The following CADM2 variants were observed in gnomAD, a reference collection of about 807,000 sequenced individuals.
CADM2 encodes the protein cell adhesion molecule 2, also known as immunoglobulin superfamily member 4D.
In CADM2, 12 loss-of-function variants were observed where a neutral mutation model predicts 49.8. The observed-to-expected ratio is 0.24, with a 90% CI of 0.15 to 0.39. The LOEUF (loss-of-function observed/expected upper bound fraction) is 0.39. CADM2 is among the 10% of genes least tolerant of loss of function. CADM2 has a pLI of 1.00. For synonymous variants in CADM2, 214 were observed against 175.4 expected (o/e 1.22, Z -1.74); for missense variants, 378 against 492.3 (o/e 0.77, Z 2.20).
chr3:85,317,142 G>A (rs930263821), intron 1 of CADM2, among the ~76,000 whole-genome samples: 3 of 135,314 alleles, frequency 2.2e-5, no homozygotes, highest in Middle Eastern at 3.4e-3. Context: ...TTGGGGGGAT[G>A]GGGGGTGGTG....
chr3:85,101,030 C>A (rs765433435), intron 1 of CADM2, among the ~76,000 whole-genome samples: 18 of 152,124 alleles, frequency 1.2e-4, no homozygotes, highest in Middle Eastern at 3.4e-3. Context: ...CCAAGGCAGG[C>A]GGATCACAAG....
intron 3 of CADM2, among the ~76,000 whole-genome samples, chr3:85,835,724 A>ATATATATATATCTTGC (rs1328765174): frequency 2.7e-5 from 4 of 146,432 alleles, no homozygotes. Flanking sequence ...GTATGTGTAT[A>ATATATATATATCTTGC]TATATATATA....
At chr3:85,843,951 A>G (rs1031845519) in intron 3 of CADM2, among the ~76,000 whole-genome samples, 1 of 152,004 alleles carries the variant, frequency 6.6e-6, no homozygotes, top group African/African-American at 2.4e-5. Flanking sequence ...TTTAGATATT[A>G]CTAGCACCCA....
chr3:85,589,942 G>T (rs2063056392), intron 1 of CADM2, among the ~76,000 whole-genome samples: 1 of 151,948 alleles, frequency 6.6e-6, no homozygotes, highest in South Asian at 2.1e-4. Flanking sequence ...ACCAGGTAAA[G>T]AAATAGTGGT....
At chr3:85,025,799 C>T (rs772080001) in intron 1 of CADM2, among the ~76,000 whole-genome samples, 6 of 151,648 alleles carry the variant, frequency 4.0e-5, no homozygotes, top group Non-Finnish European at 7.4e-5. Context: ...TGAATGTTTT[C>T]GCTATATCAT....
At chr3:85,902,528 A>C (rs1292683046) in intron 5 of CADM2, among the ~76,000 whole-genome samples, 1 of 151,744 alleles carries the variant, frequency 6.6e-6, no homozygotes, top group African/African-American at 2.4e-5. Flanking sequence ...TATAATTGAT[A>C]TTGGTTAATT....
chr3:85,870,962 A>C (rs1234829957), intron 3 of CADM2, among the ~76,000 whole-genome samples: 1 of 152,238 alleles, frequency 6.6e-6, no homozygotes, highest in East Asian at 1.9e-4. Context: ...ATAGGCAATA[A>C]TATTCCAGAC....
chr3:85,658,574 G>GTATATATATATATA (rs1553656698), intron 1 of CADM2, among the ~76,000 whole-genome samples: 1 of 55,498 alleles, frequency 1.8e-5, no homozygotes. Context: ...TTGGATATAT[G>GTATATATATATATA]TGTATATATA....
intron 1 of CADM2, among the ~76,000 whole-genome samples, chr3:85,642,298 T>A (rs13077826): frequency 0.38 from 58,155 of 151,902 alleles, 12,231 homozygotes; most frequent in East Asian, 0.54. Flanking sequence ...TATTTAAACT[T>A]TAAACCTAAG....
At chr3:85,259,328 C>A (rs1006164882) in intron 1 of CADM2, among the ~76,000 whole-genome samples, 1 of 151,822 alleles carries the variant, frequency 6.6e-6, no homozygotes, top group East Asian at 1.9e-4. Flanking sequence ...TTTTTTTAAT[C>A]GTGTTTAATT....
chr3:85,714,646 G>A (rs2067226125), intron 1 of CADM2, among the ~76,000 whole-genome samples: 1 of 151,950 alleles, frequency 6.6e-6, no homozygotes, highest in Non-Finnish European at 1.5e-5. Context: ...TAGCTAGGAT[G>A]GTCTCGATCT....
intron 8 of CADM2, among the ~76,000 whole-genome samples, chr3:86,061,711 A>G (rs1738675579): frequency 6.6e-6 from 1 of 152,196 alleles, no homozygotes; most frequent in South Asian, 2.1e-4. Flanking sequence ...TGAAAAATAA[A>G]GAGAACTTGC....
intron 8 of CADM2, among the ~76,000 whole-genome samples, chr3:86,001,608 A>C (rs111734489): frequency 0.021 from 3,267 of 152,156 alleles, 64 homozygotes; most frequent in South Asian, 0.065. Flanking sequence ...CTGGCCAAAC[A>C]CAGATTAATT....
At chr3:85,982,609 T>G (rs1044148676) in intron 8 of CADM2, among the ~76,000 whole-genome samples, 4 of 151,866 alleles carry the variant, frequency 2.6e-5, no homozygotes, top group Admixed American at 2.6e-4. Flanking sequence ...AATATTCTAG[T>G]TCATAACTGA....
At chr3:85,543,310 A>G (rs1303457068) in intron 1 of CADM2, among the ~76,000 whole-genome samples, 1 of 147,206 alleles carries the variant, frequency 6.8e-6, no homozygotes, top group East Asian at 2.0e-4. Flanking sequence ...GCTGGTGTGT[A>G]ATGGCGCAAT....
Position 85,745,357 on chromosome 3 carries a change from T to C in CADM2, c.88+18809T>C, listed in dbSNP as rs527870195. 3.3e-5 allele frequency among the ~76,000 whole-genome samples: 5 copies of C among 152,324 alleles called. No homozygotes were observed. In the East Asian group the frequency reaches 7.7e-4, roughly 24 times the overall value. ...ATGGTATTTTCCTGACTGTGTGTCT[T>C]CTTTTATTTCCTAGTTGACCATAAG... On this transcript the variant is annotated intron_variant, in intron 2 of 9. Coordinates refer to ENST00000383699, the MANE Select transcript of CADM2 (RefSeq NM_001167675.2).
chr3:85,828,207 T>C (rs1218893274), intron 3 of CADM2, among the ~76,000 whole-genome samples: 1 of 151,984 alleles, frequency 6.6e-6, no homozygotes, highest in African/African-American at 2.4e-5. Flanking sequence ...TAAAGGGCAA[T>C]TTAGAAACTG....
At chr3:85,775,730 A>C (rs2107971454) in intron 2 of CADM2, among the ~76,000 whole-genome samples, 1 of 151,954 alleles carries the variant, frequency 6.6e-6, no homozygotes, top group South Asian at 2.1e-4. Context: ...TTTCAGTTAT[A>C]TACAATCTGA....
rs898710165 is a variant in CADM2 at position 85,908,254 on chromosome 3, C to CT, written c.530-4099dup. Among the ~76,000 whole-genome samples, 314 of 65,762 alleles carry CT rather than the reference C, an allele frequency of 4.8e-3. 1 individual carries two copies. The highest frequency in any genetic ancestry group is 5.8e-3 in the Non-Finnish European group (186 of 31,930). 43.1% of individuals were successfully genotyped at this position (65,762 alleles called of 152,430 possible). A position where few individuals can be genotyped will look rare whatever the true frequency, so the allele number is the denominator to read the frequency against. On this transcript the variant is annotated intron_variant, in intron 5 of 9. Coordinates refer to ENST00000383699, the MANE Select transcript of CADM2 (RefSeq NM_001167675.2). Reference sequence around the variant, plus strand: ...AGATATCTTGGCTTTTTTTTTTCTTCTTTTTTTTTTTTTTTTTTTTCCAGT... The same window carrying CT: ...AGATATCTTGGCTTTTTTTTTTCTTCTTTTTTTTTTTTTTTTTTTTTCCAGT...
Sources: allele counts gnomAD v4.1 joint callset (sites outside exome capture counted in the v4.1 genomes callset), GRCh38; gene constraint gnomAD v4.1.1; transcripts MANE v1.5; gene names NCBI Gene and HGNC (gene_info 2026-07-23, HGNC 2026-07-21).